RHOBTB1: variants seen among roughly 807,000 people sequenced by gnomAD.
The protein encoded by RHOBTB1 is Rho related BTB domain containing 1.
A neutral mutation model predicts 71.6 loss-of-function variants in RHOBTB1; 40 were observed. That is an observed-to-expected ratio of 0.56 (90% CI 0.43 to 0.73). RHOBTB1 has a LOEUF of 0.73. RHOBTB1 is among the 30% of genes least tolerant of loss of function. The probability of loss-of-function intolerance (pLI) is 0.00; values close to 1 mark genes in which losing one functional copy is unlikely to be tolerated. For missense variants in RHOBTB1, 797 were observed against 894.0 expected (o/e 0.89, Z 1.38); for synonymous variants, 319 against 334.9 (o/e 0.95, Z 0.52).
chr10:60,901,697 C>T (rs1257963808), intron 4 of RHOBTB1, among the ~76,000 whole-genome samples: 1 of 152,160 alleles, frequency 6.6e-6, no homozygotes, highest in Non-Finnish European at 1.5e-5. Flanking sequence ...TTCTTTTCTT[C>T]TTTCATCATG....
chr10:60,995,572 C>A (rs1411750603), intron 1 of RHOBTB1, among the ~76,000 whole-genome samples: 1 of 152,134 alleles, frequency 6.6e-6, no homozygotes, highest in Non-Finnish European at 1.5e-5. Context: ...AGATGGCAAA[C>A]CTGCTATTAA....
downstream of RHOBTB1, among the ~76,000 whole-genome samples, chr10:60,866,911 C>T (rs1158238102): frequency 6.6e-6 from 1 of 152,180 alleles, no homozygotes; most frequent in Non-Finnish European, 1.5e-5. Flanking sequence ...GACCACACTG[C>T]TCTCTTCTGC....
intron 2 of RHOBTB1, among the ~76,000 whole-genome samples, chr10:60,938,653 C>T (rs1490465945): frequency 6.6e-6 from 1 of 152,046 alleles, no homozygotes; most frequent in Non-Finnish European, 1.5e-5. Flanking sequence ...AGAAACAAAC[C>T]CAGAAGAATA....
At chr10:60,878,428 G>T (rs2081150995) in intron 7 of RHOBTB1, among the ~76,000 whole-genome samples, 1 of 152,188 alleles carries the variant, frequency 6.6e-6, no homozygotes, top group East Asian at 1.9e-4. Flanking sequence ...GTTGGGCGGA[G>T]CTGCAAACCA....
chr10:60,948,371 CT>C (rs1284084104), upstream of RHOBTB1, among the ~76,000 whole-genome samples: 4 of 152,172 alleles, frequency 2.6e-5, no homozygotes, highest in African/African-American at 9.7e-5. Flanking sequence ...TAGAAAGGGT[CT>C]TTTCAGGTTT....
the RHOBTB1 span, among the ~76,000 whole-genome samples, chr10:60,862,343 G>T: frequency 6.6e-6 from 1 of 151,998 alleles, no homozygotes; most frequent in African/African-American, 2.4e-5. Context: ...GACTACAGGT[G>T]CCTGCCACTA....
At position 60,992,119 on chromosome 10, in the gene RHOBTB1, A is replaced by G. The variant is rs1376236877; in HGVS notation, c.-162-6174T>C. Reference sequence around the variant, plus strand: ...CTGGCATTTAAAAATCCAACTCAGGATTTTTAAATCCTGGGGTACATTTTG... The same window carrying G: ...CTGGCATTTAAAAATCCAACTCAGGGTTTTTAAATCCTGGGGTACATTTTG... On this transcript the variant is annotated intron_variant, in intron 1 of 11. Transcript: ENST00000357917. Among the ~76,000 whole-genome samples, 3 of 152,276 alleles carry G rather than the reference A, an allele frequency of 2.0e-5. No individual in the cohort carries two copies. In the East Asian group the frequency reaches 5.8e-4, roughly 29 times the overall value.
chr10:60,926,837 T>G (rs2083911280), intron 2 of RHOBTB1, among the ~76,000 whole-genome samples: 1 of 152,192 alleles, frequency 6.6e-6, no homozygotes, highest in Admixed American at 6.5e-5. Flanking sequence ...GCATGCCCAC[T>G]TTTACCACTT....
chr10:60,938,677 G>A (rs545978680), intron 2 of RHOBTB1, among the ~76,000 whole-genome samples: 10 of 152,202 alleles, frequency 6.6e-5, no homozygotes, highest in East Asian at 1.9e-4. Flanking sequence ...TCTATACTCC[G>A]ACATCTGCAA....
chr10:60,963,026 C>T (rs773004235), intron 2 of RHOBTB1, among the ~76,000 whole-genome samples: 25 of 152,184 alleles, frequency 1.6e-4, no homozygotes, highest in Middle Eastern at 3.4e-3. Flanking sequence ...ATACAGACCA[C>T]GGCTACAGAT....
rs188118338 is a variant in RHOBTB1 at position 60,915,546 on chromosome 10, C to T, written c.-10-3994G>A. ...TGACTTGAACGTTATTTCATATTTTCACCAGTACCCGATGAATCCACTTGC... is the reference window on the plus strand; with the variant it reads ...TGACTTGAACGTTATTTCATATTTTTACCAGTACCCGATGAATCCACTTGC... On this transcript the variant is annotated intron_variant, in intron 2 of 10. Transcript: ENST00000337910. Among the ~76,000 whole-genome samples, 203 of 152,258 alleles carry T rather than the reference C, an allele frequency of 1.3e-3. 1 individual carries two copies. Among genetic ancestry groups the T allele is most frequent in the Non-Finnish European group, 1.1e-3 (78 of 68,010 alleles).
chr10:60,862,807 TTTC>T, the RHOBTB1 span, among the ~76,000 whole-genome samples: 3 of 150,736 alleles, frequency 2.0e-5, no homozygotes, highest in Non-Finnish European at 3.0e-5. Flanking sequence ...TTTCTTTTCC[TTTC>T]TTTTCTCTCT....
At chr10:60,984,907 C>G (rs553791732) in intron 2 of RHOBTB1, among the ~76,000 whole-genome samples, 15 of 152,280 alleles carry the variant, frequency 9.9e-5, no homozygotes, top group Non-Finnish European at 8.8e-5. Flanking sequence ...TACATCCAAT[C>G]TATATGCTAA....
At chr10:60,923,479 A>G (rs2083684343) in intron 2 of RHOBTB1, among the ~76,000 whole-genome samples, 1 of 152,212 alleles carries the variant, frequency 6.6e-6, no homozygotes, top group African/African-American at 2.4e-5. Flanking sequence ...TTGTAAAATT[A>G]ATTAGTGAGG....
At chr10:60,906,287 T>C (rs1010767948) in intron 4 of RHOBTB1, among the ~76,000 whole-genome samples, 3 of 152,234 alleles carry the variant, frequency 2.0e-5, no homozygotes, top group African/African-American at 7.2e-5. Context: ...AAAGGACTCA[T>C]GCTCCGCTAC....
chr10:60,985,072 G>A (rs1444210204), intron 2 of RHOBTB1, among the ~76,000 whole-genome samples: 1 of 152,094 alleles, frequency 6.6e-6, no homozygotes, highest in Non-Finnish European at 1.5e-5. Flanking sequence ...ATTCAGATAT[G>A]CCCACCATCT....
At chr10:60,940,740 A>G (rs948331169) in intron 2 of RHOBTB1, among the ~76,000 whole-genome samples, 3 of 152,144 alleles carry the variant, frequency 2.0e-5, no homozygotes, top group Non-Finnish European at 4.4e-5. Context: ...TCACCGATTA[A>G]TCATCTATCC....
At chr10:60,944,538 G>A (rs2085132017), upstream of RHOBTB1, among the ~76,000 whole-genome samples, 1 of 152,132 alleles carries the variant, frequency 6.6e-6, no homozygotes, top group South Asian at 2.1e-4. Flanking sequence ...TGCCGGGAGG[G>A]GAGAGTCTGG....
chr10:60,870,019 A>G lies in RHOBTB1; in HGVS notation c.*1463T>C, dbSNP rs2132127874. 6.5e-6 allele frequency: 1 copy of G among 152,762 alleles called. No homozygotes were observed. The highest frequency in any genetic ancestry group is 2.4e-5 in the African/African-American group (1 of 41,576). 9.5% of individuals were successfully genotyped at this position (152,762 alleles called of 1,614,324 possible). Reference sequence around the variant, plus strand: ...AAAAGCTAGAAGAAAAAATAAAAATAAAAACAAAATCAACAGTCCTTGGCA... The same window carrying G: ...AAAAGCTAGAAGAAAAAATAAAAATGAAAACAAAATCAACAGTCCTTGGCA... On this transcript the variant is annotated 3_prime_UTR_variant, in exon 11 of 11. Transcript: ENST00000337910.
Sources: allele counts gnomAD v4.1 joint callset (sites outside exome capture counted in the v4.1 genomes callset), GRCh38; gene constraint gnomAD v4.1.1; transcripts MANE v1.5; gene names NCBI Gene and HGNC (gene_info 2026-07-23, HGNC 2026-07-21).